Variants in CEP97 observed in about 807,000 individuals in gnomAD.
The protein encoded by CEP97 is centrosomal protein of 97 kDa.
A neutral mutation model predicts 73.1 loss-of-function variants in CEP97; 43 were observed. The ratio of observed to expected loss-of-function variants is 0.59; its 90% CI spans 0.46 to 0.76. CEP97 has a LOEUF of 0.76. Ranked by LOEUF, CEP97 falls within the 30% of genes least tolerant of loss-of-function variation. The pLI, the probability that CEP97 is intolerant of heterozygous loss-of-function variation, is 0.00. For synonymous variants in CEP97, 337 were observed against 370.0 expected, an observed-to-expected ratio of 0.91 and a Z score of 1.02; for missense variants, 939 against 1,014.0, an observed-to-expected ratio of 0.93 and a Z score of 1.00.
intron 3 of CEP97, among the ~76,000 whole-genome samples, chr3:101,727,999 G>A (rs1364915652): frequency 6.6e-6 from 1 of 152,136 alleles, no homozygotes; most frequent in African/African-American, 2.4e-5. Context: ...CTTTTATTGA[G>A]CCATTAATGT....
rs1939057834 is a variant in CEP97, at chr3:101,757,882, A to G, written c.1276A>G (p.Ile426Val). 1.9e-6 allele frequency: 3 copies of G among 1,614,116 alleles called. No individual in the cohort carries two copies. The African/African-American group carries it at 4.0e-5, about 22-fold the overall frequency. ...TACAGTTGAGCTGAGGCTGCAGGGC[A>G]TTAACTTGGGCCTAGAAGATGATGG... ...SPTVELRLQGINLGLEDDGVA... is the reference protein window; with the variant it reads ...SPTVELRLQGVNLGLEDDGVA... The change falls in exon 9 of 11, where the codon ATT (isoleucine) becomes GTT (valine). Residue 426 changes from isoleucine to valine, a missense_variant. Transcript: ENST00000341893.
At position 101,757,714 on chromosome 3, in the gene CEP97, G is replaced by C; in HGVS notation, c.1108G>C (p.Ala370Pro). ...ATTTGCGGTTAAGAATAATTTTCCA[G>C]CCTCTGTACACACTACGAGATATTC... ...QLFAVKNNFP[A>P]SVHTTRYSRN... Residue 370 changes from alanine (A) to proline (P), a missense_variant, in exon 9 of 11, where the codon GCC (alanine) becomes CCC (proline). Physicochemically the swap from Ala to Pro is conservative, Grantham distance 27 (BLOSUM62 -1). Coordinates refer to ENST00000341893, the MANE Select transcript of CEP97 (RefSeq NM_024548.4). 1 of 1,614,212 alleles carries C rather than the reference G, an allele frequency of 6.2e-7. No homozygotes were observed. Among genetic ancestry groups the C allele is most frequent in the Non-Finnish European group, 8.5e-7 (1 of 1,180,050 alleles).
At chr3:101,743,070 C>T (rs1938507126) in intron 6 of CEP97, among the ~76,000 whole-genome samples, 1 of 151,868 alleles carries the variant, frequency 6.6e-6, no homozygotes, top group Admixed American at 6.6e-5. Context: ...ATGGTGAAAC[C>T]CTGTCTCTAC....
At chr3:101,753,484 T>C (rs1938902452) in intron 6 of CEP97, among the ~76,000 whole-genome samples, 1 of 152,200 alleles carries the variant, frequency 6.6e-6, no homozygotes, top group Admixed American at 6.5e-5. Flanking sequence ...GTCTTTTTGT[T>C]TGTCTGTGCC....
At chr3:101,744,547 C>T (rs1963962) in intron 6 of CEP97, among the ~76,000 whole-genome samples, 47,043 of 149,144 alleles carry the variant, frequency 0.32, 7,620 homozygotes, top group Non-Finnish European at 0.35. Flanking sequence ...TGCACCATTG[C>T]ACTCCAGCCT....
intron 10 of CEP97, chr3:101,763,097 T>A: frequency 8.4e-7 from 1 of 1,193,940 alleles, no homozygotes; most frequent in Non-Finnish European, 1.1e-6. Flanking sequence ...TTTCATTTCT[T>A]CTTTTTTATA....
intron 6 of CEP97, among the ~76,000 whole-genome samples, chr3:101,753,850 G>A (rs549482871): frequency 5.3e-5 from 8 of 152,250 alleles, no homozygotes; most frequent in South Asian, 4.1e-4. Context: ...GACCCCTTGC[G>A]CTTCCTGAGT....
intron 6 of CEP97, among the ~76,000 whole-genome samples, chr3:101,753,900 G>A (rs987373477): frequency 6.6e-6 from 1 of 152,130 alleles, no homozygotes; most frequent in Non-Finnish European, 1.5e-5. Flanking sequence ...CGCACGGTGC[G>A]CTGCACCCAC....
chr3:101,747,551 G>T (rs539914894), intron 6 of CEP97, among the ~76,000 whole-genome samples: 1 of 147,952 alleles, frequency 6.8e-6, no homozygotes, highest in East Asian at 2.0e-4. Context: ...GAGCCACCGC[G>T]CCTGGCCTTC....
intron 6 of CEP97, among the ~76,000 whole-genome samples, chr3:101,746,589 A>C (rs1245197400): frequency 2.3e-4 from 34 of 150,766 alleles, no homozygotes; most frequent in African/African-American, 8.0e-4. Flanking sequence ...AAGAAAACCT[A>C]GGCATTACCA....
At chr3:101,747,739 T>C (rs1326032617) in intron 6 of CEP97, among the ~76,000 whole-genome samples, 3 of 151,342 alleles carry the variant, frequency 2.0e-5, no homozygotes, top group Non-Finnish European at 4.4e-5. Flanking sequence ...TTGTTTTAAG[T>C]TCCCTTTCTT....
intron 6 of CEP97, among the ~76,000 whole-genome samples, chr3:101,743,191 A>G (rs1386742192): frequency 6.6e-6 from 1 of 151,972 alleles, no homozygotes; most frequent in African/African-American, 2.4e-5. Context: ...TGTTGCAGTG[A>G]GATGAAATTG....
At chr3:101,750,376 C>A (rs1938768611) in intron 6 of CEP97, among the ~76,000 whole-genome samples, 1 of 151,392 alleles carries the variant, frequency 6.6e-6, no homozygotes, top group Admixed American at 6.6e-5. Flanking sequence ...GTACCAGTAC[C>A]ATGCTGTTTT....
intron 6 of CEP97, among the ~76,000 whole-genome samples, chr3:101,754,902 T>A (rs1293410650): frequency 6.6e-6 from 1 of 151,814 alleles, no homozygotes; most frequent in Non-Finnish European, 1.5e-5. Context: ...TTTGATTTTT[T>A]TTTTTTTTTT....
At chr3:101,746,235 T>C (rs1407943026) in intron 6 of CEP97, among the ~76,000 whole-genome samples, 3 of 152,208 alleles carry the variant, frequency 2.0e-5, no homozygotes, top group Admixed American at 2.0e-4. Context: ...TGTGTCTTTA[T>C]AGCAGCATGA....
At chr3:101,726,809 C>A in intron 2 of CEP97, 73 bp downstream of exon 2, 5 of 1,134,246 alleles carry the variant, frequency 4.4e-6, no homozygotes, top group Non-Finnish European at 6.2e-6. Flanking sequence ...AATAACCTGA[C>A]AAAAAGTAAC....
At chr3:101,740,738 C>T (rs537481196) in intron 6 of CEP97, among the ~76,000 whole-genome samples, 126 of 152,148 alleles carry the variant, frequency 8.3e-4, no homozygotes, top group African/African-American at 2.7e-3. Flanking sequence ...TACAGGCATG[C>T]GCCACCACGC....
intron 4 of CEP97, among the ~76,000 whole-genome samples, chr3:101,729,600 G>A (rs1053437305): frequency 1.3e-5 from 2 of 151,326 alleles, no homozygotes; most frequent in Non-Finnish European, 2.9e-5. Context: ...TTTTTTTTGA[G>A]ACAGAGTCTT....
chr3:101,758,053 C>A lies in CEP97; in HGVS notation c.1447C>A (p.Pro483Thr). 6.2e-7 allele frequency: 1 copy of A among 1,614,206 alleles called. No individual in the cohort carries two copies. Among genetic ancestry groups the A allele is most frequent in the Non-Finnish European group, 8.5e-7 (1 of 1,180,030 alleles). ...GGTAAATGAGAAAGCTGGACTATTA[C>A]CTTGTCCTGAGCCAACAATAATCAG... is the stretch of plus-strand genomic sequence containing the variant. The part of the protein sequence containing the change: ...TEVNEKAGLL[P>T]CPEPTIISAI... The change falls in exon 9 of 11, where the codon CCT becomes ACT. Residue 483 changes from proline to threonine, a missense_variant. Transcript: ENST00000341893.
Sources: allele counts gnomAD v4.1 joint callset (sites outside exome capture counted in the v4.1 genomes callset), GRCh38; gene constraint gnomAD v4.1.1; transcripts MANE v1.5; gene names NCBI Gene and HGNC (gene_info 2026-07-23, HGNC 2026-07-21).